The following NEXMIF variants were observed in gnomAD, a reference collection of about 807,000 sequenced individuals.
NEXMIF encodes neurite extension and migration factor.
A neutral mutation model predicts 62.1 loss-of-function variants in NEXMIF; 8 were observed. The ratio of observed to expected loss-of-function variants is 0.13; its 90% CI spans 0.08 to 0.23. NEXMIF has a LOEUF of 0.23. Among genes scored for constraint, NEXMIF ranks in the 10% least tolerant of loss-of-function variants. NEXMIF has a pLI of 1.00. For synonymous variants in NEXMIF, 404 were observed against 416.6 expected (o/e 0.97, Z 0.37); for missense variants, 976 against 1,113.3 (o/e 0.88, Z 1.75).
chrX:74,846,892 A>G (rs1404453656), intron 1 of NEXMIF, among the ~76,000 whole-genome samples: 15 of 112,214 alleles, frequency 1.3e-4, no homozygotes, highest in Non-Finnish European at 2.8e-4. Flanking sequence ...GGAGGCAAGG[A>G]TCCCATGCTG....
chrX:74,820,188 G>A (rs994884251), intron 1 of NEXMIF, among the ~76,000 whole-genome samples: 3 of 110,139 alleles, frequency 2.7e-5, no homozygotes, highest in Non-Finnish European at 1.9e-5. Flanking sequence ...GGCCTGTTGG[G>A]GGGTGAGGGT....
At chrX:74,881,079 C>T (rs1190871014) in intron 1 of NEXMIF, among the ~76,000 whole-genome samples, 1 of 111,624 alleles carries the variant, frequency 9.0e-6, no homozygotes, top group African/African-American at 3.3e-5. Context: ...TGCCCTAAAA[C>T]TGACAGTAAC....
At chrX:74,899,536 T>C (rs1417402927) in intron 1 of NEXMIF, among the ~76,000 whole-genome samples, 3 of 112,122 alleles carry the variant, frequency 2.7e-5, no homozygotes, top group Non-Finnish European at 5.6e-5. Flanking sequence ...AGGTGAAAGA[T>C]CTGTACATGG....
chrX:74,824,537 T>C (rs1042164601), intron 1 of NEXMIF, among the ~76,000 whole-genome samples: 3 of 112,400 alleles, frequency 2.7e-5, no homozygotes, highest in Non-Finnish European at 5.6e-5. Flanking sequence ...AGGCTGATTC[T>C]ATAACTTGGC....
intron 1 of NEXMIF, among the ~76,000 whole-genome samples, chrX:74,915,946 T>C (rs2080805269): frequency 1.8e-5 from 2 of 111,908 alleles, no homozygotes; most frequent in Non-Finnish European, 3.8e-5. Context: ...TGTAGAAATA[T>C]AAATTTGTTG....
At chrX:74,791,721 G>A (rs1282842427) in intron 1 of NEXMIF, among the ~76,000 whole-genome samples, 2 of 109,980 alleles carry the variant, frequency 1.8e-5, no homozygotes, top group Non-Finnish European at 3.8e-5. Flanking sequence ...TGTATGTGAC[G>A]AGGAATTTAT....
In NEXMIF at chrX:74,885,844, A is replaced by G. The variant is rs75548493; in HGVS notation, c.-48+39039T>C. 5.2e-3 allele frequency among the ~76,000 whole-genome samples: 584 copies of G among 111,782 alleles called. 1 individual carries two copies. The highest frequency in any genetic ancestry group is 9.2e-3 in the Middle Eastern group (2 of 218). On this transcript the variant is annotated intron_variant, in intron 1 of 3. Transcript: ENST00000055682. ...ACCAAAGCCGGGCAGAGACACAACA[A>G]AAAAAGAGAATTTTAGACCAATATC...
chrX:74,760,939 C>G (rs918418670), intron 1 of NEXMIF, among the ~76,000 whole-genome samples: 2 of 109,823 alleles, frequency 1.8e-5, no homozygotes, highest in African/African-American at 6.6e-5. Context: ...AAAATCTTGG[C>G]TCACTGCAAC....
intron 1 of NEXMIF, among the ~76,000 whole-genome samples, chrX:74,907,050 AC>A (rs2080771385): frequency 9.1e-6 from 1 of 110,399 alleles, no homozygotes; most frequent in Admixed American, 9.7e-5. Flanking sequence ...TCTCACTTTG[AC>A]CCCCTGCCAC....
At chrX:74,923,728 C>T (rs968131839) in intron 1 of NEXMIF, among the ~76,000 whole-genome samples, 2 of 111,911 alleles carry the variant, frequency 1.8e-5, no homozygotes, top group African/African-American at 6.5e-5. Context: ...ATTCAAATCC[C>T]GGGATTAAAG....
rs1183411589 is a variant in NEXMIF, at chrX:74,851,475, A to T, written c.-48+73408T>A. 1.8e-4 allele frequency among the ~76,000 whole-genome samples: 20 copies of T among 111,350 alleles called. No homozygotes were observed. The Admixed American group carries it at 1.9e-3, about 11-fold the overall frequency. On this transcript the variant is annotated intron_variant, in intron 1 of 3. Coordinates refer to ENST00000055682, the MANE Select transcript of NEXMIF (RefSeq NM_001008537.3). ...CAAAGAGATAATTTTAAAAACAGCA[A>T]GAGAAAAGCATCTAGCCACTTATAA...
intron 1 of NEXMIF, among the ~76,000 whole-genome samples, chrX:74,887,974 G>T (rs868387963): frequency 8.1e-5 from 9 of 111,598 alleles, no homozygotes; most frequent in Admixed American, 1.9e-4. Flanking sequence ...CTATAAAAAA[G>T]GATGAGTTCA....
intron 1 of NEXMIF, among the ~76,000 whole-genome samples, chrX:74,868,397 C>T (rs1009350784): frequency 4.5e-5 from 5 of 111,669 alleles, no homozygotes; most frequent in Non-Finnish European, 9.4e-5. Context: ...CAGTGATAGA[C>T]TGGATAAAGA....
intron 1 of NEXMIF, among the ~76,000 whole-genome samples, chrX:74,878,985 G>C (rs951299157): frequency 8.9e-6 from 1 of 112,460 alleles, no homozygotes; most frequent in African/African-American, 3.2e-5. Context: ...GACCGCAGCT[G>C]TTCCTATTCG....
At chrX:74,781,221 G>A (rs779454534) in intron 1 of NEXMIF, among the ~76,000 whole-genome samples, 18 of 112,067 alleles carry the variant, frequency 1.6e-4, no homozygotes, top group South Asian at 3.7e-4. Context: ...ACTGCTCTCC[G>A]GAGAAATAGT....
intron 1 of NEXMIF, among the ~76,000 whole-genome samples, chrX:74,845,347 TAAAC>T (rs2080488481): frequency 8.9e-6 from 1 of 111,857 alleles, no homozygotes; most frequent in African/African-American, 3.2e-5. Flanking sequence ...GGATCAAAAA[TAAAC>T]AAAAATAAAG....
chrX:74,779,620 G>A (rs2080239839), intron 1 of NEXMIF, among the ~76,000 whole-genome samples: 1 of 111,548 alleles, frequency 9.0e-6, no homozygotes, highest in Admixed American at 9.5e-5. Flanking sequence ...CCCAACATAG[G>A]CAAGATCTCC....
Position 74,738,440 on chromosome X carries a change from G to A in NEXMIF, c.*965C>T, listed in dbSNP as rs1201099476. On this transcript the variant is annotated 3_prime_UTR_variant, in exon 4 of 4. Transcript: ENST00000055682. ...TGACAAAACTGGAATAAAACATTTA[G>A]GAAACTATTTAAATAAAAGCATTCT... 1 of 111,500 alleles carries A rather than the reference G, an allele frequency of 9.0e-6. No individual in the cohort carries two copies. The highest frequency in any genetic ancestry group is 1.9e-5 in the Non-Finnish European group (1 of 52,968). The allele number at this position is 111,500 out of a possible 1,213,427, so 9.2% of individuals were successfully genotyped here. A position where few individuals can be genotyped will look rare whatever the true frequency, so the allele number is the denominator to read the frequency against.
In NEXMIF at chrX:74,736,606, A is replaced by G. The variant is rs1448165982; in HGVS notation, c.*2799T>C. 8.9e-6 allele frequency: 1 copy of G among 111,771 alleles called. No homozygotes were observed. Among genetic ancestry groups the G allele is most frequent in the Non-Finnish European group, 1.9e-5 (1 of 53,087 alleles). The allele number at this position is 111,771 out of a possible 1,213,427, so 9.2% of individuals were successfully genotyped here. A position where few individuals can be genotyped will look rare whatever the true frequency, so the allele number is the denominator to read the frequency against. Reference sequence around the variant, plus strand: ...TGACAGGAAGAAAAAGAACTGTGAGAGCAGAGACAGGACCAACAAAATGCT... The same window carrying G: ...TGACAGGAAGAAAAAGAACTGTGAGGGCAGAGACAGGACCAACAAAATGCT... On this transcript the variant is annotated 3_prime_UTR_variant, in exon 4 of 4. Transcript: ENST00000055682.
Sources: gnomAD v4.1 joint callset for allele counts (sites outside exome capture counted in the v4.1 genomes callset) on GRCh38, gnomAD v4.1.1 for gene constraint, MANE v1.5 for transcripts, NCBI Gene and HGNC (gene_info 2026-07-23, HGNC 2026-07-21) for gene names.